Variants in PRMT7 observed in about 807,000 individuals in gnomAD.
PRMT7 encodes the protein protein arginine N-methyltransferase 7.
Under a neutral mutation model 85.4 loss-of-function variants are expected in PRMT7, and 75 were observed. That is an observed-to-expected ratio of 0.88 (90% CI 0.73 to 1.06). The LOEUF is 1.06. PRMT7 is among the 50% of genes least tolerant of loss of function. The pLI, the probability that PRMT7 is intolerant of heterozygous loss-of-function variation, is 0.00. For missense variants in PRMT7, 868 were observed against 915.2 expected, an observed-to-expected ratio of 0.95 and a Z score of 0.67; for synonymous variants, 397 against 359.5, an observed-to-expected ratio of 1.10 and a Z score of -1.18.
At position 68,346,680 on chromosome 16, in the gene PRMT7, A is replaced by C. The variant is rs149982667; in HGVS notation, c.1191+400A>C. ...ACCTTTGCTCCCTGCTACCTGTAGC[A>C]GGGGACTCGGCTTGGGGATTACAGA... On this transcript the variant is annotated intron_variant, in intron 11 of 18. Coordinates refer to ENST00000441236, the MANE Select transcript of PRMT7 (RefSeq NM_019023.5). 4.0e-4 allele frequency among the ~76,000 whole-genome samples: 61 copies of C among 152,198 alleles called. 1 individual carries two copies. The East Asian group carries it at 0.011, about 27-fold the overall frequency.
intron 6 of PRMT7, among the ~76,000 whole-genome samples, chr16:68,335,708 C>T (rs1306560888): frequency 1.3e-5 from 2 of 151,744 alleles, no homozygotes; most frequent in African/African-American, 4.8e-5. Context: ...AAGTGAGATC[C>T]AGGCCAGGCT....
In PRMT7 at chr16:68,348,075, A is replaced by T. The variant is rs2307022; in HGVS notation, c.1324-267A>T. Among the ~76,000 whole-genome samples the T allele has an allele frequency of 6.6e-6, 1 of 152,022 alleles. No individual in the cohort carries two copies. Among genetic ancestry groups the T allele is most frequent in the Admixed American group, 6.5e-5 (1 of 15,288 alleles). On this transcript the variant is annotated intron_variant, in intron 13 of 18. Transcript: ENST00000441236. ...TCCTCTCCAAAGGGGAACTCCCTTC[A>T]CCAGAACTGCAGGCTCGCACTGAGT...
chr16:68,342,540 C>T (rs1407138594), intron 9 of PRMT7, among the ~76,000 whole-genome samples: 1 of 152,174 alleles, frequency 6.6e-6, no homozygotes, highest in African/African-American at 2.4e-5. Context: ...TGGCCTTAAC[C>T]CCTGGCTTTG....
At chr16:68,319,601 A>AAG (rs1351412251) in intron 3 of PRMT7, among the ~76,000 whole-genome samples, 3 of 151,472 alleles carry the variant, frequency 2.0e-5, no homozygotes, top group Non-Finnish European at 4.4e-5. Context: ...AAAAAAAAAA[A>AAG]AAAAAGAACC....
chr16:68,327,862 T>C (rs1435603430), intron 5 of PRMT7, among the ~76,000 whole-genome samples: 1 of 149,484 alleles, frequency 6.7e-6, no homozygotes, highest in African/African-American at 2.5e-5. Flanking sequence ...TGCTTGAGCC[T>C]GGGAGGTGGA....
chr16:68,332,942 G>T (rs973805500), intron 6 of PRMT7, among the ~76,000 whole-genome samples: 1 of 152,174 alleles, frequency 6.6e-6, no homozygotes, highest in South Asian at 2.1e-4. Context: ...GATAACAGCC[G>T]GAGGGTAAGC....
At chr16:68,355,201 C>G (rs1363699218) in intron 16 of PRMT7, 1 of 152,722 alleles carries the variant, frequency 6.5e-6, no homozygotes, top group Non-Finnish European at 1.5e-5. Context: ...GCCTGCTCTC[C>G]TGACTTAGCT....
chr16:68,335,072 C>T (rs930275629), intron 6 of PRMT7, among the ~76,000 whole-genome samples: 13 of 152,188 alleles, frequency 8.5e-5, no homozygotes, highest in African/African-American at 2.4e-4. Context: ...GCTGGAATTA[C>T]AGGTGTGAGT....
At chr16:68,335,028 C>T (rs932028554) in intron 6 of PRMT7, among the ~76,000 whole-genome samples, 2 of 152,122 alleles carry the variant, frequency 1.3e-5, no homozygotes, top group Non-Finnish European at 2.9e-5. Context: ...AACTCCTGGC[C>T]TCAAGTGATC....
chr16:68,353,451 C>T (rs1343759930), intron 15 of PRMT7, 41 bp from the exon 16 acceptor site: 2 of 1,609,430 alleles, frequency 1.2e-6, no homozygotes, highest in Admixed American at 1.7e-5. Flanking sequence ...TTCCCTGTGT[C>T]CTGGCGGGCG....
chr16:68,311,476 A>G (rs1245508520), intron 1 of PRMT7: 4 of 177,300 alleles, frequency 2.3e-5, no homozygotes, highest in Admixed American at 1.7e-4. Flanking sequence ...TGTATTCACT[A>G]CACGCCAACC....
chr16:68,328,663 G>A (rs2083433023), intron 5 of PRMT7, among the ~76,000 whole-genome samples: 1 of 152,104 alleles, frequency 6.6e-6, no homozygotes, highest in Non-Finnish European at 1.5e-5. Context: ...CAACAGTGGG[G>A]ATTTGGGACA....
intron 4 of PRMT7, 81 bp from the exon 5 acceptor site, chr16:68,324,602 G>A: frequency 1.3e-6 from 2 of 1,547,368 alleles, no homozygotes; most frequent in South Asian, 1.2e-5. Context: ...GCCACTGCCA[G>A]CTGTGACTCT....
intron 5 of PRMT7, among the ~76,000 whole-genome samples, chr16:68,326,396 C>G (rs894043814): frequency 6.6e-6 from 1 of 152,068 alleles, no homozygotes; most frequent in African/African-American, 2.4e-5. Flanking sequence ...CAGGTATGTA[C>G]CACTGCACCT....
intron 3 of PRMT7, 40 bp from the exon 4 acceptor site, chr16:68,321,386 T>C (rs1356299994): frequency 2.0e-6 from 3 of 1,522,486 alleles, no homozygotes; most frequent in East Asian, 2.3e-5. Flanking sequence ...TGTGTGTTGA[T>C]GTGTATCATG....
intron 6 of PRMT7, among the ~76,000 whole-genome samples, chr16:68,332,354 C>G (rs2084020220): frequency 6.6e-6 from 1 of 152,124 alleles, no homozygotes; most frequent in South Asian, 2.1e-4. Context: ...TGTCTCCAGA[C>G]TGCCACGTCT....
intron 9 of PRMT7, among the ~76,000 whole-genome samples, chr16:68,342,133 C>T (rs2085639259): frequency 6.6e-6 from 1 of 151,994 alleles, no homozygotes; most frequent in African/African-American, 2.4e-5. Context: ...CAAAAATTAC[C>T]CGGATGTGGT....
chr16:68,357,563 G>A lies in PRMT7; in HGVS notation c.*339G>A, dbSNP rs767350625. 17 of 244,932 alleles carry A rather than the reference G, an allele frequency of 6.9e-5. No homozygotes were observed. The highest frequency in any genetic ancestry group is 6.4e-4 in the South Asian group (7 of 10,952). The allele number at this position is 244,932 out of a possible 1,614,324, so 15.2% of individuals were successfully genotyped here. A position where few individuals can be genotyped will look rare whatever the true frequency, so the allele number is the denominator to read the frequency against. The stretch of plus-strand genomic sequence containing the variant: ...GCACAGGGAGCTTGTGGGGCTGGCC[G>A]GTGGGGTTGTCCACGCCGCCCTTGG... On this transcript the variant is annotated 3_prime_UTR_variant, in exon 19 of 19. Coordinates refer to ENST00000441236, the MANE Select transcript of PRMT7 (RefSeq NM_019023.5).
chr16:68,321,682 T>C (rs1194352290), intron 4 of PRMT7: 17 of 475,756 alleles, frequency 3.6e-5, no homozygotes, highest in Non-Finnish European at 6.1e-5. Context: ...ATAAAAATGG[T>C]CTATGTTTAT....
Sources: allele counts gnomAD v4.1 joint callset (sites outside exome capture counted in the v4.1 genomes callset), GRCh38; gene constraint gnomAD v4.1.1; transcripts MANE v1.5; gene names NCBI Gene and HGNC (gene_info 2026-07-23, HGNC 2026-07-21).